Variants in DGUOK observed in about 807,000 individuals in gnomAD.
DGUOK encodes the protein deoxyguanosine kinase, also known as deoxyguanosine kinase, mitochondrial.
Under a neutral mutation model 36.6 loss-of-function variants are expected in DGUOK, and 30 were observed. The ratio of observed to expected loss-of-function variants is 0.82; its 90% CI spans 0.61 to 1.11. The LOEUF (loss-of-function observed/expected upper bound fraction) is 1.11, where lower values mean the gene tolerates loss of function less well. Among genes scored for constraint, DGUOK ranks in the 50% most tolerant of loss-of-function variants. DGUOK has a pLI of 0.00. For synonymous variants in DGUOK, 145 were observed against 126.3 expected, an observed-to-expected ratio of 1.15 and a Z score of -0.99; for missense variants, 361 against 336.4, an observed-to-expected ratio of 1.07 and a Z score of -0.57.
At chr2:73,953,305 GTCGTC>G (rs1682838896) in intron 4 of DGUOK, among the ~76,000 whole-genome samples, 1 of 147,770 alleles carries the variant, frequency 6.8e-6, no homozygotes, top group Non-Finnish European at 1.5e-5. Flanking sequence ...CGTCGTCGTC[GTCGTC>G]GTCGTCACTT....
At chr2:73,933,173 TG>T (rs1303104838) in intron 1 of DGUOK, among the ~76,000 whole-genome samples, 1 of 152,224 alleles carries the variant, frequency 6.6e-6, no homozygotes, top group Non-Finnish European at 1.5e-5. Flanking sequence ...CACTAATATG[TG>T]TCTTACTTAT....
At chr2:73,958,619 C>T in intron 6 of DGUOK, 91 bp from the exon 7 acceptor site, 1 of 1,132,896 alleles carries the variant, frequency 8.8e-7, no homozygotes, top group Non-Finnish European at 1.3e-6. Context: ...ACAAAAACCT[C>T]ATGGGCTTGG....
At chr2:73,943,432 G>A (rs1682052135) in intron 2 of DGUOK, among the ~76,000 whole-genome samples, 1 of 151,838 alleles carries the variant, frequency 6.6e-6, no homozygotes, top group Non-Finnish European at 1.5e-5. Context: ...AAGGTGTTGG[G>A]ACCACAGATG....
At chr2:73,929,537 C>CACA (rs531056024) in intron 1 of DGUOK, among the ~76,000 whole-genome samples, 17 of 152,160 alleles carry the variant, frequency 1.1e-4, no homozygotes, top group African/African-American at 3.9e-4. Context: ...ATGCCAGAGA[C>CACA]TATGTGTTGA....
intron 4 of DGUOK, 60 bp downstream of exon 4, chr2:73,950,792 C>T: frequency 1.2e-6 from 2 of 1,603,552 alleles, no homozygotes; most frequent in Non-Finnish European, 1.7e-6. Context: ...AAGTGACATT[C>T]TCCAAGCCCC....
intron 1 of DGUOK, among the ~76,000 whole-genome samples, chr2:73,934,002 AT>A (rs538211604): frequency 4.9e-4 from 75 of 152,146 alleles, no homozygotes; most frequent in African/African-American, 1.7e-3. Context: ...TCAGAATTGG[AT>A]TTTTTTTCTC....
At chr2:73,953,420 A>C (rs1411764592) in intron 4 of DGUOK, among the ~76,000 whole-genome samples, 1 of 152,088 alleles carries the variant, frequency 6.6e-6, no homozygotes, top group African/African-American at 2.4e-5. Context: ...GCAGAAAAGA[A>C]AAATAGCTTA....
intron 2 of DGUOK, among the ~76,000 whole-genome samples, chr2:73,943,759 C>T (rs1456932861): frequency 6.6e-6 from 1 of 151,940 alleles, no homozygotes; most frequent in East Asian, 1.9e-4. Flanking sequence ...AAGCGATTCT[C>T]CTGCCTCAGC....
chr2:73,938,005 C>T (rs1387078256), intron 1 of DGUOK, among the ~76,000 whole-genome samples: 1 of 152,138 alleles, frequency 6.6e-6, no homozygotes, highest in Non-Finnish European at 1.5e-5. Flanking sequence ...TCACTAACTT[C>T]CCATTGCCCT....
chr2:73,936,999 T>C (rs1428017674), intron 1 of DGUOK, among the ~76,000 whole-genome samples: 1 of 152,058 alleles, frequency 6.6e-6, no homozygotes, highest in East Asian at 1.9e-4. Context: ...CTTCAGGAAA[T>C]GGGAAAGCAT....
intron 1 of DGUOK, among the ~76,000 whole-genome samples, chr2:73,935,018 G>C (rs989198362): frequency 6.6e-6 from 1 of 152,168 alleles, no homozygotes; most frequent in African/African-American, 2.4e-5. Context: ...AGAGGTTGCA[G>C]TGAGCCGAGA....
intron 1 of DGUOK, chr2:73,932,801 T>A: frequency 2.5e-6 from 1 of 399,974 alleles, no homozygotes; most frequent in Non-Finnish European, 4.4e-6. Flanking sequence ...ACTAATGGCA[T>A]CTAGCATGAC....
intron 4 of DGUOK, among the ~76,000 whole-genome samples, chr2:73,954,313 A>G (rs1052926376): frequency 1.3e-5 from 2 of 152,118 alleles, no homozygotes; most frequent in African/African-American, 4.8e-5. Context: ...ACTGCATTTC[A>G]GCCTAGGCCA....
At chr2:73,944,897 C>G (rs143786515) in intron 2 of DGUOK, among the ~76,000 whole-genome samples, 1 of 152,250 alleles carries the variant, frequency 6.6e-6, no homozygotes, top group Non-Finnish European at 1.5e-5. Context: ...CAAATTTGTC[C>G]TCCTACTTCT....
intron 4 of DGUOK, 148 bp from the exon 5 acceptor site, chr2:73,956,977 T>TCGACG: frequency 1.9e-6 from 1 of 534,718 alleles, no homozygotes. Context: ...GATCCTCTGA[T>TCGACG]TGCATAAGAA....
intron 1 of DGUOK, among the ~76,000 whole-genome samples, chr2:73,932,951 CTTACGA>C (rs902960090): frequency 1.6e-4 from 25 of 152,192 alleles, no homozygotes; most frequent in Admixed American, 3.9e-4. Context: ...TTGTGATTAT[CTTACGA>C]TTACAAGCGT....
intron 4 of DGUOK, among the ~76,000 whole-genome samples, chr2:73,956,281 T>G (rs1156429099): frequency 6.6e-6 from 1 of 152,250 alleles, no homozygotes; most frequent in Non-Finnish European, 1.5e-5. Flanking sequence ...GTTTTATCTT[T>G]GACCTGTGCA....
Position 73,927,021 on chromosome 2 carries a change from G to T in DGUOK, c.111G>T (p.Gly37=). ...SSSRGLHAGR[G]PRRLSIEGNI... is the part of the protein sequence containing the mutation. ...CCAGAGGCCTGCACGCGGGGCGCGGGCCCCGAAGGCTCTCCATCGAAGGCA... is the reference window on the plus strand; with the variant it reads ...CCAGAGGCCTGCACGCGGGGCGCGGTCCCCGAAGGCTCTCCATCGAAGGCA... The change falls in exon 1 of 7, where the codon GGG becomes GGT. Residue 37 remains glycine, a synonymous_variant. Transcript: ENST00000264093. 1 of 1,610,554 alleles carries T rather than the reference G, an allele frequency of 6.2e-7. No individual in the cohort carries two copies.
intron 1 of DGUOK, chr2:73,932,729 A>G: frequency 4.7e-6 from 5 of 1,062,160 alleles, no homozygotes; most frequent in African/African-American, 1.7e-5. Context: ...TCTAAGTCCT[A>G]TTATTCTGAT....
Sources: allele counts gnomAD v4.1 joint callset (sites outside exome capture counted in the v4.1 genomes callset), GRCh38; gene constraint gnomAD v4.1.1; transcripts MANE v1.5; gene names NCBI Gene and HGNC (gene_info 2026-07-23, HGNC 2026-07-21).